SRD5A2: variants seen among roughly 807,000 people sequenced by gnomAD.
SRD5A2 encodes steroid 5 alpha-reductase 2.
Under a neutral mutation model 27.4 loss-of-function variants are expected in SRD5A2, and 30 were observed. That is an observed-to-expected ratio of 1.10 (90% CI 0.82 to 1.49). SRD5A2 has a LOEUF of 1.49. SRD5A2 is among the 40% of genes most tolerant of loss of function. The pLI is 0.00. For synonymous variants in SRD5A2, 141 were observed against 133.6 expected (o/e 1.06, Z -0.38); for missense variants, 348 against 323.4 (o/e 1.08, Z -0.58).
the SRD5A2 span, among the ~76,000 whole-genome samples, chr2:31,647,131 T>C: frequency 6.6e-6 from 1 of 151,680 alleles, no homozygotes; most frequent in Admixed American, 6.6e-5. Context: ...GGCGACAGAG[T>C]AACACCCTGT....
the SRD5A2 span, among the ~76,000 whole-genome samples, chr2:31,587,662 C>G: frequency 3.9e-5 from 6 of 152,138 alleles, no homozygotes; most frequent in African/African-American, 1.4e-4. Flanking sequence ...AAATCAAACA[C>G]CCCATGTTCT....
intron 4 of SRD5A2, chr2:31,527,842 A>T (rs1202474183): frequency 6.6e-6 from 1 of 152,224 alleles, no homozygotes; most frequent in African/African-American, 2.4e-5. Context: ...CTAATCAGAA[A>T]AAAAGGAACT....
the SRD5A2 span, among the ~76,000 whole-genome samples, chr2:31,619,156 AC>A: frequency 6.6e-6 from 1 of 152,174 alleles, no homozygotes; most frequent in African/African-American, 2.4e-5. Flanking sequence ...AAAAAGACAG[AC>A]AATAACAAAT....
At chr2:31,553,293 C>A (rs551383228) in intron 1 of SRD5A2, among the ~76,000 whole-genome samples, 1 of 152,038 alleles carries the variant, frequency 6.6e-6, no homozygotes, top group South Asian at 2.1e-4. Context: ...ATCATCAAGA[C>A]AACAAATATA....
chr2:31,650,105 C>G, the SRD5A2 span, among the ~76,000 whole-genome samples: 11 of 152,114 alleles, frequency 7.2e-5, no homozygotes, highest in Non-Finnish European at 1.2e-4. Flanking sequence ...AGAATGAAAC[C>G]ATTGAGAGGG....
chr2:31,652,780 C>T, the SRD5A2 span, among the ~76,000 whole-genome samples: 1 of 152,126 alleles, frequency 6.6e-6, no homozygotes. Context: ...AGCTAAAGAA[C>T]AAAAATGCAG....
chr2:31,598,681 A>T, the SRD5A2 span, among the ~76,000 whole-genome samples: 2 of 152,122 alleles, frequency 1.3e-5, no homozygotes, highest in Non-Finnish European at 2.9e-5. Flanking sequence ...TAAACAAAAA[A>T]TAAAAAAACA....
the SRD5A2 span, among the ~76,000 whole-genome samples, chr2:31,596,644 T>C: frequency 6.6e-6 from 1 of 152,074 alleles, no homozygotes; most frequent in Non-Finnish European, 1.5e-5. Context: ...TCAGCAAAGT[T>C]TCAGGATACA....
chr2:31,547,672 A>G (rs1247692561), intron 1 of SRD5A2, among the ~76,000 whole-genome samples: 1 of 152,178 alleles, frequency 6.6e-6, no homozygotes, highest in Non-Finnish European at 1.5e-5. Context: ...TCGGGCTTTC[A>G]GTCCTGGACT....
At chr2:31,621,064 T>A in the SRD5A2 span, among the ~76,000 whole-genome samples, 3 of 151,392 alleles carry the variant, frequency 2.0e-5, no homozygotes, top group African/African-American at 7.3e-5. Flanking sequence ...CATCACAGAT[T>A]CATATGCATT....
At chr2:31,593,710 T>C in the SRD5A2 span, among the ~76,000 whole-genome samples, 3 of 152,090 alleles carry the variant, frequency 2.0e-5, no homozygotes, top group Non-Finnish European at 4.4e-5. Flanking sequence ...CCCAGGAAAT[T>C]CATCGCAAAA....
chr2:31,610,873 C>G, the SRD5A2 span, among the ~76,000 whole-genome samples: 2 of 152,042 alleles, frequency 1.3e-5, no homozygotes, highest in South Asian at 4.2e-4. Flanking sequence ...TTTGGGAGGC[C>G]AAGGAGGGTG....
upstream of SRD5A2, among the ~76,000 whole-genome samples, chr2:31,583,167 CTG>C (rs1667109828): frequency 6.6e-6 from 1 of 152,206 alleles, no homozygotes; most frequent in Non-Finnish European, 1.5e-5. Context: ...CAGCTCCAGG[CTG>C]TGTTTGGATG....
the SRD5A2 span, among the ~76,000 whole-genome samples, chr2:31,610,581 C>A: frequency 1.3e-5 from 2 of 152,116 alleles, no homozygotes; most frequent in African/African-American, 4.8e-5. Flanking sequence ...AAGAACAATA[C>A]AAAGATGCCC....
chr2:31,622,086 C>G, the SRD5A2 span, among the ~76,000 whole-genome samples: 1 of 152,026 alleles, frequency 6.6e-6, no homozygotes, highest in Non-Finnish European at 1.5e-5. Context: ...ACACCCAGCA[C>G]CCATTAGCTA....
At chr2:31,607,314 G>C in the SRD5A2 span, among the ~76,000 whole-genome samples, 2 of 151,746 alleles carry the variant, frequency 1.3e-5, no homozygotes, top group African/African-American at 4.8e-5. Flanking sequence ...GCAACAAAGA[G>C]AAAAACACAA....
intron 1 of SRD5A2, among the ~76,000 whole-genome samples, chr2:31,560,872 A>T (rs902860611): frequency 6.6e-6 from 1 of 152,170 alleles, no homozygotes; most frequent in Non-Finnish European, 1.5e-5. Context: ...TAAACTGGAT[A>T]CCAAGTTTAG....
chr2:31,627,095 A>G, the SRD5A2 span, among the ~76,000 whole-genome samples: 1 of 152,014 alleles, frequency 6.6e-6, no homozygotes, highest in African/African-American at 2.4e-5. Flanking sequence ...GGGTGGGTGT[A>G]TGTGTCCAGG....
At chr2:31,527,102 G>A (rs551493754) in intron 4 of SRD5A2, 6 of 152,260 alleles carry the variant, frequency 3.9e-5, no homozygotes, top group African/African-American at 7.2e-5. Context: ...CCTACGCCTC[G>A]ATTTCAAAAT....
Sources: gnomAD v4.1 joint callset for allele counts (sites outside exome capture counted in the v4.1 genomes callset) on GRCh38, gnomAD v4.1.1 for gene constraint, MANE v1.5 for transcripts, NCBI Gene and HGNC (gene_info 2026-07-23, HGNC 2026-07-21) for gene names.